TNS3: variants seen among roughly 807,000 people sequenced by gnomAD.
TNS3 encodes the protein tensin-3.
Under a neutral mutation model 140.9 loss-of-function variants are expected in TNS3, and 45 were observed. That is an observed-to-expected ratio of 0.32 (90% CI 0.25 to 0.41). TNS3 has a LOEUF of 0.41. TNS3 is among the 10% of genes least tolerant of loss of function. The probability of loss-of-function intolerance (pLI) is 1.00; values close to 1 mark genes in which losing one functional copy is unlikely to be tolerated. For missense variants in TNS3, 1,716 were observed against 1,906.7 expected (o/e 0.90, Z 1.86); for synonymous variants, 815 against 788.4 (o/e 1.03, Z -0.56).
At chr7:47,523,496 A>G (rs1483799857) in intron 2 of TNS3, among the ~76,000 whole-genome samples, 1 of 152,280 alleles carries the variant, frequency 6.6e-6, no homozygotes, top group African/African-American at 2.4e-5. Flanking sequence ...CAACAGCGCC[A>G]GAAACCAGAG....
At chr7:47,566,276 T>G (rs1384643152) in intron 1 of TNS3, among the ~76,000 whole-genome samples, 1 of 152,210 alleles carries the variant, frequency 6.6e-6, no homozygotes, top group Non-Finnish European at 1.5e-5. Context: ...TAGGTGAGCC[T>G]GGGCAGGCAT....
At chr7:47,465,925 A>AAAATAAAT (rs373640446) in intron 4 of TNS3, among the ~76,000 whole-genome samples, 2,886 of 150,466 alleles carry the variant, frequency 0.019, 90 homozygotes, top group African/African-American at 0.066. Context: ...ACTCCGTCTA[A>AAAATAAAT]AAATAAATAA....
intron 17 of TNS3, among the ~76,000 whole-genome samples, chr7:47,353,254 G>A (rs1042247815): frequency 2.0e-5 from 3 of 152,196 alleles, no homozygotes; most frequent in Admixed American, 6.5e-5. Flanking sequence ...ACACCCTGCG[G>A]GTTCAGTACT....
At chr7:47,302,810 G>A (rs1312319429) in intron 22 of TNS3, 140 bp downstream of exon 22, 4 of 1,212,774 alleles carry the variant, frequency 3.3e-6, no homozygotes, top group African/African-American at 1.5e-5. Context: ...AAATGGAAAA[G>A]TACCCCAACG....
intron 16 of TNS3, among the ~76,000 whole-genome samples, chr7:47,387,756 A>C (rs915806558): frequency 6.6e-6 from 1 of 152,254 alleles, no homozygotes; most frequent in African/African-American, 2.4e-5. Flanking sequence ...CTGAAAGAGA[A>C]GAGCCAGAGC....
chr7:47,431,549 C>T (rs187723697), intron 8 of TNS3, among the ~76,000 whole-genome samples: 36 of 152,190 alleles, frequency 2.4e-4, no homozygotes, highest in Admixed American at 6.5e-4. Context: ...GCCGAGATCA[C>T]GCCACTGCAC....
At chr7:47,365,775 A>AAAT (rs1562642368) in intron 17 of TNS3, among the ~76,000 whole-genome samples, 7 of 151,896 alleles carry the variant, frequency 4.6e-5, no homozygotes, top group South Asian at 2.1e-4. Context: ...AATAAATAAA[A>AAAT]AAATAAAGTA....
intron 1 of TNS3, among the ~76,000 whole-genome samples, chr7:47,571,488 G>A (rs970535447): frequency 3.7e-5 from 5 of 134,050 alleles, no homozygotes; most frequent in Non-Finnish European, 7.9e-5. Context: ...TGGCAGTATG[G>A]GAAACGGAAA....
At chr7:47,488,132 TC>T (rs1797679553) in intron 3 of TNS3, among the ~76,000 whole-genome samples, 1 of 152,206 alleles carries the variant, frequency 6.6e-6, no homozygotes, top group African/African-American at 2.4e-5. Flanking sequence ...ATGTTACTGA[TC>T]AATAAACTAG....
intron 7 of TNS3, among the ~76,000 whole-genome samples, chr7:47,436,078 T>C (rs188693106): frequency 2.6e-5 from 4 of 152,288 alleles, no homozygotes; most frequent in Admixed American, 2.6e-4. Context: ...CTCTATCTTA[T>C]GATGAAAGTC....
At chr7:47,292,638 G>A (rs1246449564) in intron 26 of TNS3, among the ~76,000 whole-genome samples, 190 bp downstream of exon 26, 1 of 152,194 alleles carries the variant, frequency 6.6e-6, no homozygotes, top group African/African-American at 2.4e-5. Context: ...AGCTGTCAGT[G>A]AAGTAGAATC....
chr7:47,344,737 C>G lies in TNS3; in HGVS notation c.2650+18G>C, dbSNP rs767930837. ...GCCTGAGTGCCGCGCGCCTGTGACC[C>G]GCGGGTAGATTTCTTACCACGTCCT... On this transcript the variant is annotated intron_variant, in intron 20 of 30. Coordinates refer to ENST00000311160, the MANE Select transcript of TNS3 (RefSeq NM_022748.12). 6.2e-7 allele frequency: 1 copy of G among 1,608,020 alleles called. No individual in the cohort carries two copies. Among genetic ancestry groups the G allele is most frequent in the Admixed American group, 1.7e-5 (1 of 59,914 alleles).
At chr7:47,427,228 A>T (rs1331219109) in intron 9 of TNS3, among the ~76,000 whole-genome samples, 1 of 151,452 alleles carries the variant, frequency 6.6e-6, no homozygotes. Flanking sequence ...TCATTGAGGG[A>T]TGGATGTGCC....
intron 25 of TNS3, 41 bp downstream of exon 25, chr7:47,293,692 A>C: frequency 6.3e-7 from 1 of 1,577,404 alleles, no homozygotes; most frequent in Non-Finnish European, 8.7e-7. Context: ...TCCAGGCCTC[A>C]TGAGTTCAGA....
At chr7:47,306,898 T>A (rs1786792306) in intron 20 of TNS3, among the ~76,000 whole-genome samples, 1 of 152,174 alleles carries the variant, frequency 6.6e-6, no homozygotes, top group Admixed American at 6.5e-5. Context: ...AATATATTAA[T>A]CAGCACACAA....
chr7:47,576,304 C>CG (rs1201331618), intron 1 of TNS3, among the ~76,000 whole-genome samples: 12 of 152,076 alleles, frequency 7.9e-5, no homozygotes, highest in Non-Finnish European at 1.6e-4. Flanking sequence ...CAAAACCCCA[C>CG]GTGGCTCCCA....
chr7:47,392,197 AC>A (rs11301229), intron 16 of TNS3, among the ~76,000 whole-genome samples: 44,613 of 152,054 alleles, frequency 0.29, 8,192 homozygotes, highest in Non-Finnish European at 0.42. Flanking sequence ...CCCCGCAGCC[AC>A]CACCTGCCAG....
chr7:47,397,765 A>G (rs946536376), intron 15 of TNS3, among the ~76,000 whole-genome samples: 2 of 152,230 alleles, frequency 1.3e-5, no homozygotes, highest in Admixed American at 6.5e-5. Context: ...CTCATGTCAC[A>G]CCTCAAGGAA....
intron 1 of TNS3, among the ~76,000 whole-genome samples, chr7:47,570,504 T>C (rs942141732): frequency 3.3e-5 from 5 of 152,266 alleles, no homozygotes; most frequent in African/African-American, 1.2e-4. Context: ...TAAATGGTTC[T>C]CTTCTGCAAG....
Sources: allele counts gnomAD v4.1 joint callset (sites outside exome capture counted in the v4.1 genomes callset), GRCh38; gene constraint gnomAD v4.1.1; transcripts MANE v1.5; gene names NCBI Gene and HGNC (gene_info 2026-07-23, HGNC 2026-07-21).